LDB2: variants seen among roughly 807,000 people sequenced by gnomAD.
LDB2 encodes LIM domain-binding protein 2.
LDB2 carries 12 observed loss-of-function variants against 44.3 expected under a neutral mutation model. That is an observed-to-expected ratio of 0.27 (90% CI 0.17 to 0.44). The LOEUF (loss-of-function observed/expected upper bound fraction) is 0.44, where lower values mean the gene tolerates loss of function less well. Among genes scored for constraint, LDB2 ranks in the 20% least tolerant of loss-of-function variants. LDB2 has a pLI of 1.00. For missense variants in LDB2, 344 were observed against 473.5 expected (o/e 0.73, Z 2.54); for synonymous variants, 164 against 174.8 (o/e 0.94, Z 0.49).
chr4:16,636,944 G>A (rs1471011781), intron 2 of LDB2, among the ~76,000 whole-genome samples: 1 of 152,166 alleles, frequency 6.6e-6, no homozygotes, highest in Non-Finnish European at 1.5e-5. Flanking sequence ...TCTGCAATTT[G>A]TACTCCCTGA....
At chr4:16,609,470 G>C (rs968097693) in intron 2 of LDB2, among the ~76,000 whole-genome samples, 6 of 152,164 alleles carry the variant, frequency 3.9e-5, no homozygotes, top group Non-Finnish European at 7.4e-5. Context: ...GGTAGGGGAA[G>C]AGTGGCACCC....
At chr4:16,664,887 G>A (rs527928917) in intron 2 of LDB2, among the ~76,000 whole-genome samples, 5 of 152,336 alleles carry the variant, frequency 3.3e-5, no homozygotes, top group African/African-American at 9.6e-5. Context: ...GAGGGAGAGG[G>A]TAGATGAACA....
intron 2 of LDB2, among the ~76,000 whole-genome samples, chr4:16,712,181 A>G (rs1360098976): frequency 6.6e-6 from 1 of 152,206 alleles, no homozygotes; most frequent in Non-Finnish European, 1.5e-5. Context: ...AGGGAATTGT[A>G]TCCAGAATAT....
At chr4:16,723,824 G>T (rs143774396) in intron 2 of LDB2, among the ~76,000 whole-genome samples, 2 of 152,104 alleles carry the variant, frequency 1.3e-5, no homozygotes, top group East Asian at 3.9e-4. Context: ...GAATGAGAGA[G>T]CCCTTCACTG....
intron 5 of LDB2, among the ~76,000 whole-genome samples, chr4:16,538,169 CA>C (rs1732495658): frequency 6.6e-6 from 1 of 152,128 alleles, no homozygotes; most frequent in African/African-American, 2.4e-5. Context: ...CTTAAAGCAG[CA>C]AAAGACAAAA....
chr4:16,707,319 C>T (rs1278608128), intron 2 of LDB2, among the ~76,000 whole-genome samples: 1 of 151,952 alleles, frequency 6.6e-6, no homozygotes, highest in Non-Finnish European at 1.5e-5. Flanking sequence ...TAATGAAATA[C>T]AATTCTAATA....
chr4:16,730,696 G>A (rs757183976), intron 2 of LDB2, among the ~76,000 whole-genome samples: 2 of 152,110 alleles, frequency 1.3e-5, no homozygotes, highest in Admixed American at 6.5e-5. Flanking sequence ...CAGGTCATAA[G>A]CTCACAGACT....
chr4:16,643,641 C>T (rs1578426119), intron 2 of LDB2, among the ~76,000 whole-genome samples: 1 of 152,098 alleles, frequency 6.6e-6, no homozygotes, highest in Non-Finnish European at 1.5e-5. Context: ...TAATAAAATA[C>T]ATTTTGTATC....
chr4:16,695,384 G>C (rs1751878502), intron 2 of LDB2, among the ~76,000 whole-genome samples: 2 of 151,344 alleles, frequency 1.3e-5, no homozygotes, highest in South Asian at 4.2e-4. Flanking sequence ...TACAAAATTA[G>C]CCAGGTAAGA....
chr4:16,735,681 G>C (rs904709020), intron 2 of LDB2, among the ~76,000 whole-genome samples: 1 of 151,832 alleles, frequency 6.6e-6, no homozygotes, highest in Non-Finnish European at 1.5e-5. Flanking sequence ...GTGACAAAAG[G>C]GTATCTCACC....
intron 7 of LDB2, 47 bp downstream of exon 7, chr4:16,508,488 G>C: frequency 2.7e-6 from 4 of 1,460,496 alleles, no homozygotes; most frequent in Non-Finnish European, 3.7e-6. Flanking sequence ...CTTTGAGTAG[G>C]AAGCAGACAG....
At chr4:16,572,761 C>T (rs1291330761) in intron 5 of LDB2, among the ~76,000 whole-genome samples, 1 of 152,104 alleles carries the variant, frequency 6.6e-6, no homozygotes, top group Non-Finnish European at 1.5e-5. Flanking sequence ...TTTCTATCTC[C>T]AAATGCAATT....
intron 1 of LDB2, chr4:16,889,404 G>C (rs1430272903): frequency 6.6e-6 from 1 of 152,174 alleles, no homozygotes; most frequent in African/African-American, 2.4e-5. Context: ...CAGAAGTCAG[G>C]AGATTCCCAA....
intron 1 of LDB2, among the ~76,000 whole-genome samples, chr4:16,762,732 T>C (rs1768208197): frequency 6.6e-6 from 1 of 152,180 alleles, no homozygotes; most frequent in African/African-American, 2.4e-5. Context: ...TATCATCCTC[T>C]ATTTTCTGAT....
At position 16,714,180 on chromosome 4, in the gene LDB2, G is replaced by T. The variant is rs189745478; in HGVS notation, c.235+44978C>A. Among the ~76,000 whole-genome samples, 535 of 152,328 alleles carry T rather than the reference G, an allele frequency of 3.5e-3. 4 individuals are homozygous for T. The highest frequency in any genetic ancestry group is 0.012 in the African/African-American group (512 of 41,578). On this transcript the variant is annotated intron_variant, in intron 2 of 7. Transcript: ENST00000304523. ...AAGTTTATCCTAAGAAACTGGAGGG[G>T]TTTTTTAAATCTTCATTCGAATGAG...
chr4:16,692,167 T>A (rs1473935497), intron 2 of LDB2, among the ~76,000 whole-genome samples: 4 of 152,042 alleles, frequency 2.6e-5, no homozygotes, highest in Non-Finnish European at 5.9e-5. Context: ...GAAAGGAGAA[T>A]CATGTGAGTA....
chr4:16,758,971 A>G (rs1158993690), intron 2 of LDB2, among the ~76,000 whole-genome samples, 187 bp downstream of exon 2: 1 of 152,116 alleles, frequency 6.6e-6, no homozygotes, highest in Non-Finnish European at 1.5e-5. Flanking sequence ...CTAAGCCTCG[A>G]AGGAAACCTG....
Position 16,502,559 on chromosome 4 carries a change from C to G in LDB2, c.*84G>C. The G allele has an allele frequency of 6.5e-7, 1 of 1,539,132 alleles. No homozygotes were observed. The highest frequency in any genetic ancestry group is 8.9e-7 in the Non-Finnish European group (1 of 1,122,838). ...TTGCATGGAAAAGTTTTTATCTCTT[C>G]TGTTTCCTCTCCTGTAAGTAAAGAT... On this transcript the variant is annotated 3_prime_UTR_variant, in exon 8 of 8. Coordinates refer to ENST00000304523, the MANE Select transcript of LDB2 (RefSeq NM_001290.5).
intron 2 of LDB2, among the ~76,000 whole-genome samples, chr4:16,638,064 T>A (rs558398215): frequency 1.3e-5 from 2 of 152,244 alleles, no homozygotes; most frequent in South Asian, 4.2e-4. Flanking sequence ...ATTAAACGAA[T>A]GAAAAACATA....
Sources: allele counts gnomAD v4.1 joint callset (sites outside exome capture counted in the v4.1 genomes callset), GRCh38; gene constraint gnomAD v4.1.1; transcripts MANE v1.5; gene names NCBI Gene and HGNC (gene_info 2026-07-23, HGNC 2026-07-21).